SLC41A2: variants seen among roughly 807,000 people sequenced by gnomAD.
SLC41A2 encodes SLC41A1-like 1.
Under a neutral mutation model 58.3 loss-of-function variants are expected in SLC41A2, and 32 were observed. The observed-to-expected ratio is 0.55, with a 90% CI of 0.41 to 0.74. The LOEUF is 0.74. Ranked by LOEUF, SLC41A2 falls within the 30% of genes least tolerant of loss-of-function variation. The pLI, the probability that SLC41A2 is intolerant of heterozygous loss-of-function variation, is 0.00. For missense variants in SLC41A2, 514 were observed against 680.6 expected, an observed-to-expected ratio of 0.76 and a Z score of 2.72; for synonymous variants, 190 against 235.0, an observed-to-expected ratio of 0.81 and a Z score of 1.75.
At chr12:104,864,819 T>C (rs906131409) in intron 7 of SLC41A2, among the ~76,000 whole-genome samples, 6 of 152,206 alleles carry the variant, frequency 3.9e-5, no homozygotes, top group Non-Finnish European at 8.8e-5. Flanking sequence ...ATGAATATTA[T>C]GCAATAGCTA....
intron 6 of SLC41A2, among the ~76,000 whole-genome samples, chr12:104,868,109 T>G (rs957579972): frequency 1.3e-5 from 2 of 152,058 alleles, no homozygotes; most frequent in African/African-American, 4.8e-5. Flanking sequence ...ATTGTGTCAT[T>G]TTCTCCATGA....
At chr12:104,879,368 T>A (rs978389661) in intron 6 of SLC41A2, among the ~76,000 whole-genome samples, 1 of 152,172 alleles carries the variant, frequency 6.6e-6, no homozygotes, top group Non-Finnish European at 1.5e-5. Flanking sequence ...GGTGTTTTAG[T>A]CATGAAGTCC....
At chr12:104,862,317 A>G (rs1439402665) in intron 7 of SLC41A2, among the ~76,000 whole-genome samples, 1 of 152,242 alleles carries the variant, frequency 6.6e-6, no homozygotes, top group Non-Finnish European at 1.5e-5. Context: ...TTCTCATTAA[A>G]GAGGTACACT....
At chr12:104,895,442 C>A in intron 3 of SLC41A2, 97 bp from the exon 4 acceptor site, 2 of 809,336 alleles carry the variant, frequency 2.5e-6, no homozygotes, top group African/African-American at 1.7e-5. Context: ...CAAAATAATT[C>A]TTCAGTAAAT....
chr12:104,891,063 C>A (rs2044939762), intron 4 of SLC41A2, among the ~76,000 whole-genome samples: 1 of 152,190 alleles, frequency 6.6e-6, no homozygotes, highest in Non-Finnish European at 1.5e-5. Flanking sequence ...GAAGAAAAAA[C>A]CCTCTCCCCC....
chr12:104,862,636 C>G (rs2043254664), intron 7 of SLC41A2, among the ~76,000 whole-genome samples: 1 of 152,076 alleles, frequency 6.6e-6, no homozygotes, highest in South Asian at 2.1e-4. Flanking sequence ...GGCTTCTAGA[C>G]TTTTTTTAAC....
intron 8 of SLC41A2, among the ~76,000 whole-genome samples, chr12:104,857,640 T>C (rs1372259780): frequency 2.0e-5 from 3 of 151,614 alleles, no homozygotes; most frequent in Non-Finnish European, 4.4e-5. Flanking sequence ...ATTAAGAAAA[T>C]GTGGCACATA....
At chr12:104,823,981 C>T (rs1053537569) in intron 10 of SLC41A2, among the ~76,000 whole-genome samples, 2 of 152,148 alleles carry the variant, frequency 1.3e-5, no homozygotes, top group Non-Finnish European at 2.9e-5. Context: ...CTATAGTAAC[C>T]ATTTTACTAT....
At chr12:104,934,705 A>C (rs185411267) in intron 1 of SLC41A2, among the ~76,000 whole-genome samples, 1 of 152,362 alleles carries the variant, frequency 6.6e-6, no homozygotes, top group East Asian at 1.9e-4. Context: ...TCAGCTTTAA[A>C]AAGTAAGAAA....
intron 1 of SLC41A2, among the ~76,000 whole-genome samples, chr12:104,934,871 G>A (rs1273439684): frequency 1.3e-5 from 2 of 152,182 alleles, no homozygotes; most frequent in Non-Finnish European, 2.9e-5. Flanking sequence ...TGGGCGGTGG[G>A]GAGGAAGAGG....
intron 1 of SLC41A2, among the ~76,000 whole-genome samples, chr12:104,934,534 A>G (rs2047189375): frequency 6.6e-6 from 1 of 152,254 alleles, no homozygotes; most frequent in African/African-American, 2.4e-5. Context: ...CAACAGGTAC[A>G]GAAAGTAGAG....
intron 10 of SLC41A2, among the ~76,000 whole-genome samples, chr12:104,837,343 T>C (rs919720155): frequency 6.6e-6 from 1 of 152,116 alleles, no homozygotes; most frequent in Admixed American, 6.6e-5. Context: ...AGAGGGACTT[T>C]CTGGGGTCAA....
At chr12:104,949,374 A>G (rs992996000) in intron 1 of SLC41A2, among the ~76,000 whole-genome samples, 17 of 152,344 alleles carry the variant, frequency 1.1e-4, no homozygotes, top group Middle Eastern at 3.4e-3. Context: ...CTGCTCCCAG[A>G]ATGCTCTTAC....
chr12:104,838,129 A>T (rs952091103), intron 10 of SLC41A2, among the ~76,000 whole-genome samples: 1 of 152,244 alleles, frequency 6.6e-6, no homozygotes, highest in Non-Finnish European at 1.5e-5. Context: ...ACATGACTTC[A>T]GAATGAAGAT....
intron 10 of SLC41A2, among the ~76,000 whole-genome samples, chr12:104,816,573 C>G (rs979578586): frequency 6.6e-6 from 1 of 152,052 alleles, no homozygotes; most frequent in Non-Finnish European, 1.5e-5. Flanking sequence ...AAAAGCAAGG[C>G]CTGTCTCAGG....
chr12:104,826,266 C>T (rs2041841355), intron 10 of SLC41A2, among the ~76,000 whole-genome samples: 1 of 152,200 alleles, frequency 6.6e-6, no homozygotes, highest in African/African-American at 2.4e-5. Context: ...TTATGATTTA[C>T]AGGAAGGACT....
At chr12:104,866,611 C>T (rs753663681) in intron 6 of SLC41A2, 32 bp from the exon 7 acceptor site, 26 of 1,440,472 alleles carry the variant, frequency 1.8e-5, no homozygotes, top group Non-Finnish European at 2.3e-5. Context: ...AAAAGAGAGA[C>T]AACATTTAAA....
At chr12:104,806,586 G>A (rs911049928) in intron 10 of SLC41A2, among the ~76,000 whole-genome samples, 20 of 152,092 alleles carry the variant, frequency 1.3e-4, no homozygotes, top group Middle Eastern at 6.8e-3. Context: ...ACCCAGTAAT[G>A]GGATGGCTGG....
At chr12:104,841,160 G>A (rs2042395629) in intron 10 of SLC41A2, among the ~76,000 whole-genome samples, 1 of 152,026 alleles carries the variant, frequency 6.6e-6, no homozygotes, top group Non-Finnish European at 1.5e-5. Flanking sequence ...CAGAAATCAA[G>A]TTATTTCATC....
Sources: gnomAD v4.1 joint callset for allele counts (sites outside exome capture counted in the v4.1 genomes callset) on GRCh38, gnomAD v4.1.1 for gene constraint, MANE v1.5 for transcripts, NCBI Gene and HGNC (gene_info 2026-07-23, HGNC 2026-07-21) for gene names.